The following NEXMIF variants were observed in gnomAD, a reference collection of about 807,000 sequenced individuals.
NEXMIF encodes the protein XLMR protein related to neurite extension.
Under a neutral mutation model 62.1 loss-of-function variants are expected in NEXMIF, and 8 were observed. The ratio of observed to expected loss-of-function variants is 0.13; its 90% confidence interval spans 0.08 to 0.23. The LOEUF (loss-of-function observed/expected upper bound fraction) is 0.23, where lower values mean the gene tolerates loss of function less well. NEXMIF is among the 10% of genes least tolerant of loss of function. NEXMIF has a pLI of 1.00. For synonymous variants in NEXMIF, 404 were observed against 416.6 expected, an observed-to-expected ratio of 0.97 and a Z score of 0.37; for missense variants, 976 against 1,113.3, an observed-to-expected ratio of 0.88 and a Z score of 1.75.
chrX:74,821,569 G>A, intron 1 of NEXMIF, among the ~76,000 whole-genome samples: 1 of 111,877 alleles, frequency 8.9e-6, no homozygotes. Flanking sequence ...GGGACAGAGA[G>A]AAAATGAATA....
At chrX:74,852,257 C>G (rs997924602) in intron 1 of NEXMIF, among the ~76,000 whole-genome samples, 2 of 111,378 alleles carry the variant, frequency 1.8e-5, no homozygotes, top group African/African-American at 6.5e-5. Flanking sequence ...ATCAATTCAG[C>G]AAGAGAATAT....
chrX:74,876,375 T>A (rs1485443532), intron 1 of NEXMIF, among the ~76,000 whole-genome samples: 1 of 111,928 alleles, frequency 8.9e-6, no homozygotes, highest in Non-Finnish European at 1.9e-5. Context: ...ATAATTTCTG[T>A]TCTTTTACAT....
intron 1 of NEXMIF, among the ~76,000 whole-genome samples, chrX:74,898,951 C>T (rs937463887): frequency 2.7e-5 from 3 of 111,179 alleles, no homozygotes; most frequent in African/African-American, 6.5e-5. Flanking sequence ...CAGAAAAGTA[C>T]AAAATGTTGA....
At chrX:74,851,550 G>T (rs1314376811) in intron 1 of NEXMIF, among the ~76,000 whole-genome samples, 1 of 109,851 alleles carries the variant, frequency 9.1e-6, no homozygotes, top group African/African-American at 3.3e-5. Context: ...AACTTAACAG[G>T]CCAGAAGAGA....
chrX:74,739,543 T>C, intron 3 of NEXMIF, 45 bp from the exon 4 acceptor site: 2 of 855,444 alleles, frequency 2.3e-6, no homozygotes, highest in East Asian at 6.5e-5. Flanking sequence ...TTAGTTTTAG[T>C]GTATGTCCCA....
intron 1 of NEXMIF, among the ~76,000 whole-genome samples, chrX:74,822,025 A>AG (rs2080398895): frequency 8.9e-6 from 1 of 112,104 alleles, no homozygotes; most frequent in East Asian, 2.8e-4. Context: ...TTGGGATTAC[A>AG]GGAGTGAGCC....
chrX:74,787,104 C>CAAAAAA (rs766388500), intron 1 of NEXMIF, among the ~76,000 whole-genome samples: 4 of 31,755 alleles, frequency 1.3e-4, no homozygotes, highest in Non-Finnish European at 1.9e-4. Context: ...ACCAAAAATA[C>CAAAAAA]AAAAAAAAAA....
intron 1 of NEXMIF, among the ~76,000 whole-genome samples, chrX:74,764,136 T>C (rs1326152945): frequency 2.7e-5 from 3 of 111,785 alleles, no homozygotes; most frequent in African/African-American, 6.5e-5. Context: ...TTTTGAGATA[T>C]GTCCCATCAA....
rs745603490 is a variant in NEXMIF at position 74,897,093 on chromosome X, C to T, written c.-48+27790G>A. Among the ~76,000 whole-genome samples the T allele has an allele frequency of 5.3e-4, 59 of 111,682 alleles. 1 individual carries two copies. Among genetic ancestry groups the T allele is most frequent in the Middle Eastern group, 4.7e-3 (1 of 215 alleles). ...TCATATTATATTGGGAGGCTAAGTT[C>T]GGCTCAAAAGAAAATGTATTGGCAA... On this transcript the variant is annotated intron_variant, in intron 1 of 3. Transcript: ENST00000055682.
At chrX:74,828,231 G>A (rs1034926290) in intron 1 of NEXMIF, among the ~76,000 whole-genome samples, 4 of 111,351 alleles carry the variant, frequency 3.6e-5, no homozygotes, top group East Asian at 2.8e-4. Context: ...TATGATGAGC[G>A]AATAATCTCC....
chrX:74,740,355 C>T lies in NEXMIF; in HGVS notation c.4202G>A (p.Ser1401Asn), dbSNP rs2080098144. 8.3e-7 allele frequency: 1 copy of T among 1,210,062 alleles called. No individual in the cohort carries two copies. The highest frequency in any genetic ancestry group is 1.8e-5 in the African/African-American group (1 of 57,116). The change falls in exon 3 of 4, where the codon AGC becomes AAC. Residue 1401 changes from serine to asparagine, a missense_variant. By Grantham distance (46) the Ser-to-Asn change is conservative. Around this residue, in one of 5 missense-constraint regions of NEXMIF, gnomAD observed 137 missense variants for 128.9 expected, o/e 1.06. Coordinates refer to ENST00000055682, the MANE Select transcript of NEXMIF (RefSeq NM_001008537.3). The part of the protein sequence containing the change: ...NHRSIKGVSK[S>N]NGKTAIGDPG... ...ATCACCTATTGCTGTTTTCCCATTGCTTTTGCTCACACCCTTGATTGACCT... is the reference window on the plus strand; with the variant it reads ...ATCACCTATTGCTGTTTTCCCATTGTTTTTGCTCACACCCTTGATTGACCT...
chrX:74,878,183 CTGTT>C (rs978445422), intron 1 of NEXMIF, among the ~76,000 whole-genome samples: 1 of 110,986 alleles, frequency 9.0e-6, no homozygotes, highest in Non-Finnish European at 1.9e-5. Context: ...GATGTCCTTT[CTGTT>C]TGTTAGTTTT....
In NEXMIF at chrX:74,745,669, T is replaced by G; in HGVS notation, c.-19A>C. 9.6e-7 allele frequency: 1 copy of G among 1,036,809 alleles called. No homozygotes were observed. The highest frequency in any genetic ancestry group is 1.4e-6 in the Non-Finnish European group (1 of 736,481). 85.4% of individuals were successfully genotyped at this position (1,036,809 alleles called of 1,213,427 possible). On this transcript the variant is annotated 5_prime_UTR_variant, in exon 2 of 4. Coordinates refer to ENST00000055682, the MANE Select transcript of NEXMIF (RefSeq NM_001008537.3). ...TATCCATGAATATAACCTCTTATTG[T>G]TTCATTCCAAGTCCAAATGCTGTCC... is the stretch of plus-strand genomic sequence containing the variant.
chrX:74,761,431 C>T (rs139659080), intron 1 of NEXMIF, among the ~76,000 whole-genome samples: 1,789 of 111,051 alleles, frequency 0.016, 19 homozygotes, highest in Non-Finnish European at 0.024. Flanking sequence ...AAATAAATTC[C>T]TCCCTGGTTC....
chrX:74,877,050 A>G (rs150810313), intron 1 of NEXMIF, among the ~76,000 whole-genome samples: 29 of 111,269 alleles, frequency 2.6e-4, no homozygotes, highest in Admixed American at 2.2e-3. Context: ...TTAGCTGGGT[A>G]TTTTGCTCGT....
chrX:74,887,381 A>C (rs2080699419), intron 1 of NEXMIF, among the ~76,000 whole-genome samples: 1 of 111,420 alleles, frequency 9.0e-6, no homozygotes, highest in Non-Finnish European at 1.9e-5. Flanking sequence ...GAATGGGAGA[A>C]AATTTTTGCA....
chrX:74,804,526 GT>G lies in NEXMIF; in HGVS notation c.-47-58830del, dbSNP rs1456039579. On this transcript the variant is annotated intron_variant, in intron 1 of 3. Coordinates refer to ENST00000055682, the MANE Select transcript of NEXMIF (RefSeq NM_001008537.3). ...TGTGTCCTTCCCTTGAAGGCAGCAGGTTTCCTTTTGGCCCAGGTTGTGTTTC... is the reference window on the plus strand; with the variant it reads ...TGTGTCCTTCCCTTGAAGGCAGCAGGTTCCTTTTGGCCCAGGTTGTGTTTC... Among the ~76,000 whole-genome samples, 47 of 111,821 alleles carry G rather than the reference GT, an allele frequency of 4.2e-4. 2 individuals carry two copies. The highest frequency in any genetic ancestry group is 1.9e-5 in the Non-Finnish European group (1 of 53,163).
chrX:74,827,452 T>A (rs890158805), intron 1 of NEXMIF, among the ~76,000 whole-genome samples: 2 of 111,781 alleles, frequency 1.8e-5, no homozygotes, highest in African/African-American at 3.3e-5. Flanking sequence ...AAATAAGTAT[T>A]CTTGGACTGA....
chrX:74,858,583 C>A (rs571960400), intron 1 of NEXMIF, among the ~76,000 whole-genome samples: 1 of 111,197 alleles, frequency 9.0e-6, no homozygotes, highest in Admixed American at 9.6e-5. Flanking sequence ...ACGAAGATTA[C>A]AATACACACT....
Sources: allele counts gnomAD v4.1 joint callset (sites outside exome capture counted in the v4.1 genomes callset), GRCh38; gene constraint gnomAD v4.1.1; regional missense constraint gnomAD v4.1.1; transcripts MANE v1.5; gene names NCBI Gene and HGNC (gene_info 2026-07-23, HGNC 2026-07-21).